Variants in DMD observed in about 807,000 individuals in gnomAD.
DMD encodes dystrophin, also known as mutant dystrophin.
In DMD, 63 loss-of-function variants were observed where a neutral mutation model predicts 330.1. The ratio of observed to expected loss-of-function variants is 0.19; its 90% CI spans 0.16 to 0.24. The LOEUF is 0.24. DMD is among the 10% of genes least tolerant of loss of function. DMD has a pLI of 1.00. For synonymous variants in DMD, 1,223 were observed against 959.8 expected (o/e 1.27, Z -5.07); for missense variants, 3,344 against 2,684.1 (o/e 1.25, Z -5.43).
chrX:32,356,379 T>TAAAAA (rs71888370), intron 37 of DMD, among the ~76,000 whole-genome samples: 1 of 52,722 alleles, frequency 1.9e-5, no homozygotes, highest in Non-Finnish European at 3.5e-5. Context: ...TGAATGGAAG[T>TAAAAA]AAAAAAAAAA....
intron 47 of DMD, among the ~76,000 whole-genome samples, chrX:31,901,661 C>T (rs1206977153): frequency 9.0e-6 from 1 of 111,499 alleles, no homozygotes; most frequent in African/African-American, 3.3e-5. Context: ...TCTGTCTATT[C>T]CTTTATTATT....
chrX:32,100,537 C>A (rs1360722492), intron 44 of DMD, among the ~76,000 whole-genome samples: 1 of 110,468 alleles, frequency 9.1e-6, no homozygotes, highest in East Asian at 2.8e-4. Flanking sequence ...TACGCTTTTT[C>A]AAAGCATAAA....
At chrX:32,062,151 T>C (rs746646196) in intron 44 of DMD, among the ~76,000 whole-genome samples, 1 of 111,158 alleles carries the variant, frequency 9.0e-6, no homozygotes, top group African/African-American at 3.3e-5. Flanking sequence ...TCCTGCTTTG[T>C]TGATATTTAT....
At chrX:32,708,315 A>T (rs183214969) in intron 7 of DMD, among the ~76,000 whole-genome samples, 50 of 108,924 alleles carry the variant, frequency 4.6e-4, no homozygotes, top group African/African-American at 1.5e-3. Context: ...AATATGGTAA[A>T]AATGGACCCA....
intron 1 of DMD, among the ~76,000 whole-genome samples, chrX:33,106,198 T>C (rs747067670): frequency 9.0e-6 from 1 of 110,773 alleles, no homozygotes; most frequent in Non-Finnish European, 1.9e-5. Flanking sequence ...AATCAAATAC[T>C]GTGTGTTCTC....
chrX:32,726,591 G>A (rs1037503667), intron 7 of DMD, among the ~76,000 whole-genome samples: 5 of 110,950 alleles, frequency 4.5e-5, no homozygotes, highest in South Asian at 3.7e-4. Flanking sequence ...TAATAATATC[G>A]AAACCAGTAA....
chrX:32,839,274 T>C (rs768662851), intron 4 of DMD, among the ~76,000 whole-genome samples: 4 of 111,504 alleles, frequency 3.6e-5, no homozygotes, highest in African/African-American at 6.5e-5. Flanking sequence ...TTTATTACCG[T>C]GCCTAACCCA....
chrX:32,318,930 A>G (rs1331175201), intron 41 of DMD, among the ~76,000 whole-genome samples: 1 of 111,017 alleles, frequency 9.0e-6, no homozygotes, highest in Non-Finnish European at 1.9e-5. Flanking sequence ...AAAGGTCTGG[A>G]CAGACCTGCT....
intron 16 of DMD, among the ~76,000 whole-genome samples, chrX:32,548,617 A>C (rs1475976686): frequency 8.9e-6 from 1 of 111,843 alleles, no homozygotes; most frequent in Non-Finnish European, 1.9e-5. Context: ...ACATTGGTTG[A>C]TTTTTGACAG....
chrX:31,582,524 G>A (rs931557592), intron 55 of DMD, among the ~76,000 whole-genome samples: 41 of 112,208 alleles, frequency 3.7e-4, no homozygotes, highest in African/African-American at 1.2e-3. Context: ...AACTCTGGCT[G>A]AGGAAGTGAT....
intron 2 of DMD, among the ~76,000 whole-genome samples, chrX:32,897,062 T>C (rs1219481646): frequency 9.3e-6 from 1 of 107,546 alleles, no homozygotes; most frequent in Admixed American, 1.0e-4. Context: ...TACAAAAATA[T>C]ATTTTTTTCA....
At chrX:32,976,427 A>G (rs2092554307) in intron 2 of DMD, among the ~76,000 whole-genome samples, 1 of 111,561 alleles carries the variant, frequency 9.0e-6, no homozygotes, top group Non-Finnish European at 1.9e-5. Flanking sequence ...TTTGAAAAGT[A>G]GGGGACAGCC....
At chrX:32,739,499 G>T (rs1463253805) in intron 7 of DMD, among the ~76,000 whole-genome samples, 1 of 111,601 alleles carries the variant, frequency 9.0e-6, no homozygotes, top group Non-Finnish European at 1.9e-5. Context: ...CTATGGAAAA[G>T]GTATAGGCAA....
chrX:31,404,576 C>A (rs112553120), intron 60 of DMD, among the ~76,000 whole-genome samples: 1 of 111,525 alleles, frequency 9.0e-6, no homozygotes, highest in Non-Finnish European at 1.9e-5. Flanking sequence ...GGCTGAATGT[C>A]GAAGAATTAT....
chrX:33,074,415 ATT>A (rs3083149), intron 1 of DMD, among the ~76,000 whole-genome samples: 12 of 101,344 alleles, frequency 1.2e-4, no homozygotes, highest in African/African-American at 4.0e-4. Context: ...TTAACACTAT[ATT>A]TTTTTTTTTT....
At chrX:32,919,986 A>G (rs2088232859) in intron 2 of DMD, among the ~76,000 whole-genome samples, 1 of 111,715 alleles carries the variant, frequency 9.0e-6, no homozygotes, top group Non-Finnish European at 1.9e-5. Flanking sequence ...AGATTAAAGC[A>G]GTACATATGC....
chrX:32,108,151 A>C (rs1361170637), intron 44 of DMD, among the ~76,000 whole-genome samples: 3 of 111,739 alleles, frequency 2.7e-5, no homozygotes, highest in African/African-American at 3.2e-5. Context: ...GATGACAGCC[A>C]ACTTTTTGTT....
intron 44 of DMD, among the ~76,000 whole-genome samples, chrX:32,191,116 T>C (rs2096973220): frequency 2.7e-5 from 3 of 111,422 alleles, no homozygotes; most frequent in Admixed American, 9.6e-5. Context: ...ACACTATTAA[T>C]TGAGGCACCA....
chrX:31,824,842 C>A (rs1160937129), intron 49 of DMD, among the ~76,000 whole-genome samples: 1 of 111,492 alleles, frequency 9.0e-6, no homozygotes, highest in East Asian at 2.8e-4. Flanking sequence ...ATTTAACTAT[C>A]ATCAGTGCTC....
Sources: allele counts gnomAD v4.1 joint callset (sites outside exome capture counted in the v4.1 genomes callset), GRCh38; gene constraint gnomAD v4.1.1; transcripts MANE v1.5; gene names NCBI Gene and HGNC (gene_info 2026-07-23, HGNC 2026-07-21).